Variants in USP37 observed in about 807,000 individuals in gnomAD.
USP37 encodes ubiquitin specific peptidase 37.
USP37 carries 27 observed loss-of-function variants against 124.0 expected under a neutral mutation model. The observed-to-expected ratio is 0.22, with a 90% CI of 0.16 to 0.30. The LOEUF (loss-of-function observed/expected upper bound fraction) is 0.30. Ranked by LOEUF, USP37 falls within the 10% of genes least tolerant of loss-of-function variation. USP37 has a pLI of 1.00. For synonymous variants in USP37, 365 were observed against 388.0 expected (o/e 0.94, Z 0.70); for missense variants, 889 against 1,140.4 (o/e 0.78, Z 3.17).
chr2:218,506,608 T>C (rs1363042020), intron 11 of USP37, among the ~76,000 whole-genome samples: 1 of 150,712 alleles, frequency 6.6e-6, no homozygotes, highest in Non-Finnish European at 1.5e-5. Flanking sequence ...TATACTTCTT[T>C]TTTTTTTTTT....
At chr2:218,532,466 CAA>C (rs35277725) in intron 9 of USP37, among the ~76,000 whole-genome samples, 103 of 115,330 alleles carry the variant, frequency 8.9e-4, no homozygotes, top group Admixed American at 1.1e-3. Context: ...GACTCTGTCT[CAA>C]AAAAAAAAAA....
At chr2:218,494,071 C>A (rs1688944517) in intron 14 of USP37, among the ~76,000 whole-genome samples, 1 of 152,158 alleles carries the variant, frequency 6.6e-6, no homozygotes, top group Non-Finnish European at 1.5e-5. Flanking sequence ...ACCATACTTG[C>A]AAGATCCGGA....
rs534655870 is a variant in USP37 at position 218,450,789 on chromosome 2, C to G, written c.*4141G>C. On this transcript the variant is annotated 3_prime_UTR_variant, in exon 26 of 26. Transcript: ENST00000258399. ...TCTTATGCCAATGGACATACCTATA[C>G]TTTGAACCTCTGTACTTTTAAGAAA... The G allele has an allele frequency of 6.6e-6, 1 of 152,340 alleles. No individual in the cohort carries two copies. Among genetic ancestry groups the G allele is most frequent in the Non-Finnish European group, 1.5e-5 (1 of 68,036 alleles). 9.4% of individuals were successfully genotyped at this position (152,340 alleles called of 1,614,324 possible).
At chr2:218,474,454 C>G (rs772883328) in intron 20 of USP37, among the ~76,000 whole-genome samples, 176 bp downstream of exon 20, 1 of 152,044 alleles carries the variant, frequency 6.6e-6, no homozygotes, top group African/African-American at 2.4e-5. Flanking sequence ...CTCCGCCTCC[C>G]GGTTCAAGCG....
intron 10 of USP37, 86 bp downstream of exon 10, chr2:218,529,870 G>T: frequency 1.0e-6 from 1 of 1,004,692 alleles, no homozygotes; most frequent in Non-Finnish European, 1.5e-6. Context: ...CACTTAAGAG[G>T]ATAATACATA....
chr2:218,463,266 T>C (rs1311186438), intron 22 of USP37, 40 bp downstream of exon 22: 1 of 1,558,032 alleles, frequency 6.4e-7, no homozygotes, highest in Non-Finnish European at 8.8e-7. Flanking sequence ...TGAATGGTAA[T>C]TTTACCATTA....
intron 11 of USP37, among the ~76,000 whole-genome samples, chr2:218,506,974 T>C (rs1036042900): frequency 1.3e-5 from 2 of 151,942 alleles, no homozygotes; most frequent in African/African-American, 4.8e-5. Flanking sequence ...TTTTTTTGTA[T>C]TTTTAGTAGA....
At chr2:218,544,196 A>G (rs531039460) in intron 8 of USP37, among the ~76,000 whole-genome samples, 15 of 151,756 alleles carry the variant, frequency 9.9e-5, no homozygotes, top group Non-Finnish European at 1.0e-4. Context: ...CCTGGACAAC[A>G]TGGTGAAACC....
chr2:218,506,241 G>A (rs143235324), intron 11 of USP37, among the ~76,000 whole-genome samples: 1 of 150,278 alleles, frequency 6.7e-6, no homozygotes, highest in African/African-American at 2.4e-5. Flanking sequence ...ATGTAATATG[G>A]GTGTATTCTT....
At chr2:218,547,144 T>C in intron 6 of USP37, 53 bp from the exon 7 acceptor site, 1 of 1,528,808 alleles carries the variant, frequency 6.5e-7, no homozygotes, top group Non-Finnish European at 8.8e-7. Context: ...TGGAATACTT[T>C]TAGAACAGTG....
At chr2:218,460,889 C>T (rs979541823) in intron 22 of USP37, among the ~76,000 whole-genome samples, 14 of 151,636 alleles carry the variant, frequency 9.2e-5, no homozygotes, top group African/African-American at 2.2e-4. Flanking sequence ...TGCAGTGAGC[C>T]GAGATTGCGC....
At chr2:218,471,763 T>C (rs976241466) in intron 20 of USP37, among the ~76,000 whole-genome samples, 1 of 152,116 alleles carries the variant, frequency 6.6e-6, no homozygotes, top group Non-Finnish European at 1.5e-5. Flanking sequence ...TGGTGGCTCA[T>C]GCCTGTAATC....
chr2:218,486,498 C>T (rs2105978970), intron 15 of USP37: 1 of 152,490 alleles, frequency 6.6e-6, no homozygotes, highest in African/African-American at 2.4e-5. Flanking sequence ...TCTCAGCTCA[C>T]TGCAACCTCC....
intron 13 of USP37, among the ~76,000 whole-genome samples, chr2:218,497,494 A>G (rs1689143545): frequency 6.6e-6 from 1 of 151,978 alleles, no homozygotes. Context: ...CCCGGGTTCA[A>G]GCAATTCTCC....
At chr2:218,510,674 T>A (rs1047068260) in intron 10 of USP37, among the ~76,000 whole-genome samples, 1 of 152,220 alleles carries the variant, frequency 6.6e-6, no homozygotes, top group African/African-American at 2.4e-5. Flanking sequence ...TCGCCTCATA[T>A]GTTTACATTA....
intron 10 of USP37, among the ~76,000 whole-genome samples, chr2:218,516,763 C>T (rs1231438177): frequency 6.6e-6 from 1 of 151,640 alleles, no homozygotes; most frequent in East Asian, 2.0e-4. Flanking sequence ...TACTTGGGTG[C>T]AATTGCTTCA....
intron 11 of USP37, among the ~76,000 whole-genome samples, chr2:218,507,209 G>A (rs912465354): frequency 1.3e-5 from 2 of 151,816 alleles, no homozygotes; most frequent in Non-Finnish European, 2.9e-5. Context: ...GTCCAGGCTG[G>A]AGTAGAGTGG....
intron 4 of USP37, among the ~76,000 whole-genome samples, chr2:218,555,841 T>C (rs1692942155): frequency 6.6e-6 from 1 of 152,104 alleles, no homozygotes; most frequent in Admixed American, 6.5e-5. Context: ...ATGGAAGACA[T>C]AAAAGTGACT....
intron 1 of USP37, among the ~76,000 whole-genome samples, chr2:218,564,837 G>C (rs75509739): frequency 0.048 from 7,377 of 152,112 alleles, 509 homozygotes; most frequent in African/African-American, 0.16. Flanking sequence ...GCTTGTGTTT[G>C]GTATTCATAC....
Sources: allele counts gnomAD v4.1 joint callset (sites outside exome capture counted in the v4.1 genomes callset), GRCh38; gene constraint gnomAD v4.1.1; transcripts MANE v1.5; gene names NCBI Gene and HGNC (gene_info 2026-07-23, HGNC 2026-07-21).